The following CABLES1 variants were observed in gnomAD, a reference collection of about 807,000 sequenced individuals.
CABLES1 encodes the protein Cdk5 and Abl enzyme substrate 1.
Under a neutral mutation model 57.8 loss-of-function variants are expected in CABLES1, and 36 were observed. The ratio of observed to expected loss-of-function variants is 0.62; its 90% CI spans 0.48 to 0.82. The LOEUF (loss-of-function observed/expected upper bound fraction) is 0.82, where lower values mean the gene tolerates loss of function less well. CABLES1 is among the 40% of genes least tolerant of loss of function. CABLES1 has a pLI of 0.00. For synonymous variants in CABLES1, 374 were observed against 363.0 expected (o/e 1.03, Z -0.35); for missense variants, 767 against 836.6 (o/e 0.92, Z 1.03).
At chr18:23,183,545 C>T (rs1419854539) in intron 1 of CABLES1, among the ~76,000 whole-genome samples, 1 of 152,212 alleles carries the variant, frequency 6.6e-6, no homozygotes, top group Non-Finnish European at 1.5e-5. Context: ...TAAGCATGAA[C>T]TCCAAAGTGT....
chr18:23,202,941 C>G (rs1383082320), intron 3 of CABLES1, among the ~76,000 whole-genome samples: 3 of 150,044 alleles, frequency 2.0e-5, no homozygotes, highest in African/African-American at 7.4e-5. Flanking sequence ...GAGCCGAGAT[C>G]GCACCTCTGC....
chr18:23,198,900 G>C (rs545821647), intron 3 of CABLES1, among the ~76,000 whole-genome samples: 1 of 152,316 alleles, frequency 6.6e-6, no homozygotes, highest in South Asian at 2.1e-4. Context: ...CTAACTTTGT[G>C]GCAGTTAGTT....
intron 4 of CABLES1, among the ~76,000 whole-genome samples, chr18:23,230,477 C>T: frequency 6.6e-6 from 1 of 152,324 alleles, no homozygotes; most frequent in South Asian, 2.1e-4. Context: ...CGTGTATGCT[C>T]TTAATTCCAG....
chr18:23,215,778 G>C (rs573780026), intron 4 of CABLES1, among the ~76,000 whole-genome samples: 111 of 150,020 alleles, frequency 7.4e-4, no homozygotes, highest in Non-Finnish European at 1.1e-3. Flanking sequence ...TTTTGAGACA[G>C]AGTCTTGCTC....
chr18:23,243,061 ATATT>A (rs2047775762), intron 7 of CABLES1, among the ~76,000 whole-genome samples: 1 of 150,038 alleles, frequency 6.7e-6, no homozygotes. Flanking sequence ...ACATACTCAT[ATATT>A]TATTATAATT....
chr18:23,247,996 A>AT (rs892196504), intron 7 of CABLES1, among the ~76,000 whole-genome samples: 4 of 152,186 alleles, frequency 2.6e-5, no homozygotes, highest in African/African-American at 9.6e-5. Flanking sequence ...CTCTGTCAGG[A>AT]AACGGAGTCC....
At chr18:23,215,962 G>A (rs980393885) in intron 4 of CABLES1, among the ~76,000 whole-genome samples, 1 of 152,070 alleles carries the variant, frequency 6.6e-6, no homozygotes, top group Non-Finnish European at 1.5e-5. Flanking sequence ...CACCATGTTA[G>A]CCAGGATGGT....
At chr18:23,202,314 A>G (rs1231779894) in intron 3 of CABLES1, among the ~76,000 whole-genome samples, 1 of 152,236 alleles carries the variant, frequency 6.6e-6, no homozygotes, top group Non-Finnish European at 1.5e-5. Context: ...ATGAAGTTCA[A>G]AAGCAACTCA....
intron 4 of CABLES1, among the ~76,000 whole-genome samples, chr18:23,215,205 C>T (rs945551585): frequency 2.0e-5 from 3 of 152,110 alleles, no homozygotes; most frequent in Non-Finnish European, 2.9e-5. Context: ...TCCTGCAGCT[C>T]GGAGGTTTAA....
chr18:23,147,206 T>C (rs1210788803), intron 1 of CABLES1, among the ~76,000 whole-genome samples: 2 of 152,200 alleles, frequency 1.3e-5, no homozygotes, highest in African/African-American at 4.8e-5. Flanking sequence ...GTAAGCTCCT[T>C]CTTCTTCCTG....
At chr18:23,165,300 G>A (rs1271985318) in intron 1 of CABLES1, among the ~76,000 whole-genome samples, 1 of 152,044 alleles carries the variant, frequency 6.6e-6, no homozygotes, top group Admixed American at 6.6e-5. Flanking sequence ...GTCTCACTAT[G>A]TTGCTTAGGC....
intron 4 of CABLES1, among the ~76,000 whole-genome samples, chr18:23,220,769 C>T (rs1037884281): frequency 6.6e-6 from 1 of 152,178 alleles, no homozygotes; most frequent in Non-Finnish European, 1.5e-5. Context: ...TTGGAGCTTG[C>T]TGGTTCACCC....
In CABLES1 at chr18:23,138,155, C is replaced by T. The variant is rs12326247; in HGVS notation, c.845+1548C>T. Among the ~76,000 whole-genome samples the T allele has an allele frequency of 8.7e-4, 133 of 152,292 alleles. 1 individual carries two copies. The highest frequency in any genetic ancestry group is 3.0e-3 in the African/African-American group (125 of 41,560). ...ATTCTAAGCCAGTGTGCAAAGCTGG[C>T]TTGTGTCTCCTGATGGACAGATGTG... is the stretch of plus-strand genomic sequence containing the variant. On this transcript the variant is annotated intron_variant, in intron 1 of 9. Coordinates refer to ENST00000256925, the MANE Select transcript of CABLES1 (RefSeq NM_001100619.3).
At chr18:23,254,022 C>A in intron 9 of CABLES1, 86 bp downstream of exon 9, 1 of 1,132,068 alleles carries the variant, frequency 8.8e-7, no homozygotes, top group Non-Finnish European at 1.3e-6. Flanking sequence ...AGTGACCCTG[C>A]CTGGAAGGAT....
intron 1 of CABLES1, among the ~76,000 whole-genome samples, chr18:23,177,361 C>A (rs922232660): frequency 6.6e-6 from 1 of 151,340 alleles, no homozygotes; most frequent in Non-Finnish European, 1.5e-5. Context: ...TGTTCGTAGC[C>A]CTGTACCTCC....
At chr18:23,232,797 G>A (rs1392339121) in intron 4 of CABLES1, among the ~76,000 whole-genome samples, 1 of 152,148 alleles carries the variant, frequency 6.6e-6, no homozygotes, top group Non-Finnish European at 1.5e-5. Context: ...CACATTATGG[G>A]TAGGATAAGG....
At chr18:23,211,668 C>T (rs994631650) in intron 3 of CABLES1, among the ~76,000 whole-genome samples, 3 of 152,246 alleles carry the variant, frequency 2.0e-5, no homozygotes, top group East Asian at 1.9e-4. Context: ...GAAGAGCATT[C>T]GTAGTGGTAA....
intron 4 of CABLES1, among the ~76,000 whole-genome samples, chr18:23,231,188 T>C (rs757807648): frequency 2.0e-5 from 3 of 152,224 alleles, no homozygotes; most frequent in Non-Finnish European, 2.9e-5. Flanking sequence ...TATATTATCT[T>C]GCCATAGGAA....
intron 1 of CABLES1, among the ~76,000 whole-genome samples, chr18:23,145,880 G>C (rs1217475666): frequency 1.3e-5 from 2 of 152,190 alleles, no homozygotes; most frequent in Non-Finnish European, 2.9e-5. Flanking sequence ...TCACAGACAA[G>C]AGCTTGTAAA....
Sources: allele counts gnomAD v4.1 joint callset (sites outside exome capture counted in the v4.1 genomes callset), GRCh38; gene constraint gnomAD v4.1.1; transcripts MANE v1.5; gene names NCBI Gene and HGNC (gene_info 2026-07-23, HGNC 2026-07-21).